MKLN1: variants seen among roughly 807,000 people sequenced by gnomAD.
MKLN1 encodes the protein muskelin.
In MKLN1, 18 loss-of-function variants were observed where a neutral mutation model predicts 99.0. The observed-to-expected ratio is 0.18, with a 90% CI of 0.13 to 0.27. MKLN1 has a LOEUF of 0.27. Ranked by LOEUF, MKLN1 falls within the 10% of genes least tolerant of loss-of-function variation. The pLI, the probability that MKLN1 is intolerant of heterozygous loss-of-function variation, is 1.00. For synonymous variants in MKLN1, 288 were observed against 293.2 expected, an observed-to-expected ratio of 0.98 and a Z score of 0.18; for missense variants, 621 against 875.9, an observed-to-expected ratio of 0.71 and a Z score of 3.67.
intron 3 of MKLN1, among the ~76,000 whole-genome samples, chr7:131,206,568 A>ATTATTATTATTATTAT (rs1796814611): frequency 6.7e-6 from 1 of 150,058 alleles, no homozygotes; most frequent in African/African-American, 2.4e-5. Context: ...TATTATTATT[A>ATTATTATTATTATTAT]TTTTAGAGAT....
intron 2 of MKLN1, among the ~76,000 whole-genome samples, chr7:131,175,267 G>GATAAT (rs1796282300): frequency 1.3e-5 from 2 of 152,066 alleles, no homozygotes; most frequent in South Asian, 2.1e-4. Context: ...TAGATAGATA[G>GATAAT]AGTAGGTGGA....
intron 3 of MKLN1, among the ~76,000 whole-genome samples, chr7:131,233,373 A>AAATAAATAAAT (rs1797271193): frequency 7.0e-6 from 1 of 142,448 alleles, no homozygotes; most frequent in African/African-American, 2.6e-5. Context: ...CTGTCTCCAA[A>AAATAAATAAAT]AAATAAATAA....
intron 2 of MKLN1, among the ~76,000 whole-genome samples, chr7:131,378,191 A>G (rs1253174696): frequency 6.6e-6 from 1 of 152,142 alleles, no homozygotes; most frequent in Admixed American, 6.5e-5. Context: ...GGCTCACTGC[A>G]GCCTCCACCT....
chr7:131,380,176 A>T (rs539779781), intron 2 of MKLN1, among the ~76,000 whole-genome samples: 5 of 152,320 alleles, frequency 3.3e-5, no homozygotes, highest in African/African-American at 1.2e-4. Flanking sequence ...AAACTGGATT[A>T]AAATAATCAG....
chr7:131,311,982 T>C (rs1248431346), intron 3 of MKLN1, among the ~76,000 whole-genome samples: 2 of 152,066 alleles, frequency 1.3e-5, no homozygotes, highest in African/African-American at 4.8e-5. Context: ...AACAAATCTA[T>C]CAAATCTCAG....
intron 4 of MKLN1, among the ~76,000 whole-genome samples, chr7:131,393,902 A>T (rs1013406072): frequency 1.3e-5 from 2 of 152,144 alleles, no homozygotes; most frequent in African/African-American, 4.8e-5. Context: ...TTGGGATTAC[A>T]GACATGAGCC....
chr7:131,479,244 C>G (rs544681083), intron 17 of MKLN1, among the ~76,000 whole-genome samples: 1 of 152,266 alleles, frequency 6.6e-6, no homozygotes, highest in Admixed American at 6.5e-5. Context: ...GAATTATTAA[C>G]TAGACTGTAG....
chr7:131,311,856 CTTT>C (rs1167360794), intron 3 of MKLN1, among the ~76,000 whole-genome samples: 1 of 151,218 alleles, frequency 6.6e-6, no homozygotes, highest in Non-Finnish European at 1.5e-5. Flanking sequence ...AAAAGGTGAA[CTTT>C]TTTTTACTGT....
intron 6 of MKLN1, among the ~76,000 whole-genome samples, chr7:131,400,472 ATAAC>A (rs1359682281): frequency 4.0e-5 from 6 of 150,138 alleles, no homozygotes; most frequent in African/African-American, 1.5e-4. Context: ...AAACAAACAA[ATAAC>A]TAATCTCTTA....
intron 2 of MKLN1, among the ~76,000 whole-genome samples, chr7:131,161,644 C>T (rs139290633): frequency 0.1 from 15,732 of 151,768 alleles, 984 homozygotes; most frequent in South Asian, 0.27. Flanking sequence ...CTCCGCCTTC[C>T]GGGTTCAGGC....
chr7:131,116,032 A>G (rs187641693), intron 1 of MKLN1, among the ~76,000 whole-genome samples: 29 of 152,294 alleles, frequency 1.9e-4, no homozygotes, highest in Admixed American at 3.9e-4. Context: ...AGGGCCGGGC[A>G]CGGTGGCTCA....
At chr7:131,168,307 A>G (rs1352285757) in intron 2 of MKLN1, among the ~76,000 whole-genome samples, 1 of 151,098 alleles carries the variant, frequency 6.6e-6, no homozygotes, top group African/African-American at 2.4e-5. Context: ...CCGCTTTCTC[A>G]CTCCTGACTC....
chr7:131,464,368 C>A lies in MKLN1; in HGVS notation c.1748C>A (p.Pro583Gln). Residue 583 changes from proline to glutamine, a missense_variant, in exon 14 of 18, where the codon CCA becomes CAA. Coordinates refer to ENST00000352689, the MANE Select transcript of MKLN1 (RefSeq NM_013255.5). ...TKSLQEEEPC[P>Q]RFAHQLVYDE... ...AGTCTTCAGGAAGAAGAACCATGTC[C>A]AAGGTTTGCCCATCAGCTTGTATAC... is the stretch of plus-strand genomic sequence containing the variant. 6.2e-7 allele frequency: 1 copy of A among 1,613,520 alleles called. No homozygotes were observed. Among genetic ancestry groups the A allele is most frequent in the South Asian group, 1.1e-5 (1 of 91,038 alleles).
intron 1 of MKLN1, among the ~76,000 whole-genome samples, chr7:131,126,636 C>A (rs546929474): frequency 6.6e-6 from 1 of 152,144 alleles, no homozygotes; most frequent in East Asian, 1.9e-4. Context: ...TCACTGCAAC[C>A]TCTGCCTCCC....
intron 3 of MKLN1, among the ~76,000 whole-genome samples, chr7:131,274,541 G>A (rs1797932017): frequency 6.6e-6 from 1 of 151,598 alleles, no homozygotes. Flanking sequence ...TACTGGGTAG[G>A]CTGAGGGGGG....
intron 2 of MKLN1, among the ~76,000 whole-genome samples, chr7:131,195,679 C>T (rs1796632713): frequency 6.6e-6 from 1 of 151,636 alleles, no homozygotes; most frequent in South Asian, 2.1e-4. Flanking sequence ...TCGGCTGGGC[C>T]CGGTGGCTCA....
intron 1 of MKLN1, among the ~76,000 whole-genome samples, chr7:131,336,563 C>T (rs1412391053): frequency 6.6e-6 from 1 of 151,630 alleles, no homozygotes; most frequent in Non-Finnish European, 1.5e-5. Flanking sequence ...TATTTTATTC[C>T]TCCCTTTGTT....
chr7:131,280,563 CTT>C (rs1798035750), intron 3 of MKLN1, among the ~76,000 whole-genome samples: 1 of 152,028 alleles, frequency 6.6e-6, no homozygotes, highest in Admixed American at 6.6e-5. Flanking sequence ...TGTTAAGTAT[CTT>C]TTCATGTGCA....
chr7:131,457,776 C>A (rs1796393518), intron 12 of MKLN1, among the ~76,000 whole-genome samples: 1 of 152,026 alleles, frequency 6.6e-6, no homozygotes, highest in African/African-American at 2.4e-5. Context: ...ATTAGCCAGG[C>A]TTGGCGGCGC....
Sources: gnomAD v4.1 joint callset for allele counts (sites outside exome capture counted in the v4.1 genomes callset) on GRCh38, gnomAD v4.1.1 for gene constraint, MANE v1.5 for transcripts, NCBI Gene and HGNC (gene_info 2026-07-23, HGNC 2026-07-21) for gene names.